PAK6: variants seen among roughly 807,000 people sequenced by gnomAD.
PAK6 encodes serine/threonine-protein kinase PAK 6.
In PAK6, 33 loss-of-function variants were observed where a neutral mutation model predicts 60.8. That is an observed-to-expected ratio of 0.54 (90% confidence interval 0.41 to 0.73). The LOEUF (loss-of-function observed/expected upper bound fraction) is 0.73, where lower values mean the gene tolerates loss of function less well. PAK6 is among the 30% of genes least tolerant of loss of function. The pLI, the probability that PAK6 is intolerant of heterozygous loss-of-function variation, is 0.00. For missense variants in PAK6, 845 were observed against 904.1 expected (o/e 0.93, Z 0.84); for synonymous variants, 404 against 378.5 (o/e 1.07, Z -0.78).
chr15:40,273,535 C>T lies in PAK6; in HGVS notation c.1618-16C>T, dbSNP rs745451311. On this transcript the variant is annotated splice_polypyrimidine_tract_variant and intron_variant, in intron 8 of 10. Transcript: ENST00000560346. The stretch of plus-strand genomic sequence containing the variant: ...ACTTCCTCCTGATCCACCACTCACT[C>T]CCTTTTCAACCGCAGGTGAAGCTCT... 3 of 1,613,948 alleles carry T rather than the reference C, an allele frequency of 1.9e-6. No homozygotes were observed. The highest frequency in any genetic ancestry group is 3.3e-5 in the Admixed American group (2 of 60,018).
chr15:40,247,658 A>G lies in PAK6; in HGVS notation c.-117-5520A>G, dbSNP rs537490746. On this transcript the variant is annotated intron_variant, in intron 2 of 10. Coordinates refer to ENST00000560346, the Ensembl canonical transcript of PAK6. ...GAGAGAGAGGCTCGAGGTTCTGCTG[A>G]GGCCCAGGGTATCAGCAGGGCACAT... 5.3e-5 allele frequency among the ~76,000 whole-genome samples: 8 copies of G among 152,284 alleles called. No homozygotes were observed. The East Asian group carries it at 1.3e-3, about 26-fold the overall frequency.
intron 5 of PAK6, among the ~76,000 whole-genome samples, chr15:40,267,539 G>A (rs2039178073): frequency 6.6e-6 from 1 of 152,152 alleles, no homozygotes; most frequent in Non-Finnish European, 1.5e-5. Context: ...GGCGCCTGTA[G>A]TCCAAGCTAC....
chr15:40,274,618 C>G (rs1006794251), intron 10 of PAK6, among the ~76,000 whole-genome samples: 1 of 152,194 alleles, frequency 6.6e-6, no homozygotes, highest in Non-Finnish European at 1.5e-5. Context: ...GGGAGGGATC[C>G]GGAGAAGCTT....
intron 2 of PAK6, chr15:40,252,764 G>A: frequency 7.7e-7 from 1 of 1,301,632 alleles, no homozygotes; most frequent in East Asian, 5.5e-5. Context: ...CCCCTTCCTG[G>A]GTGCCCATGC....
chr15:40,265,802 T>C (rs770806284), intron 4 of PAK6, 40 bp from the exon 5 acceptor site: 42 of 1,491,748 alleles, frequency 2.8e-5, no homozygotes, highest in Non-Finnish European at 3.6e-5. Context: ...CCTGCCACAA[T>C]TGGGCAGCTC....
In PAK6 at chr15:40,266,122, AGC is replaced by A; in HGVS notation, c.486_487del (p.Glu162AspfsTer52). 6.2e-7 allele frequency: 1 copy of A among 1,609,910 alleles called. No homozygotes were observed. The highest frequency in any genetic ancestry group is 1.1e-5 in the South Asian group (1 of 90,972). On this transcript the variant is annotated frameshift_variant, in exon 5 of 11. Transcript: ENST00000560346. LOFTEE classifies it high-confidence loss of function. The stretch of plus-strand genomic sequence containing the variant: ...GGCCACAAGCAGATGCCGTGGCCCG[AGC>A]CACAGAGCCCACGGGTCCTGCCCAA...
At chr15:40,240,562 CTTTTTTTT>C (rs10624794) in intron 1 of PAK6, 29 bp from the exon 2 acceptor site, 29 of 321,588 alleles carry the variant, frequency 9.0e-5, no homozygotes, top group African/African-American at 5.3e-4. Flanking sequence ...TTTTCTTTTC[CTTTTTTTT>C]TTTTTTTTTT....
chr15:40,258,633 C>T (rs1161511869), intron 3 of PAK6: 2 of 152,334 alleles, frequency 1.3e-5, no homozygotes, highest in African/African-American at 4.8e-5. Context: ...GCTCCTTGAA[C>T]TGTCCACCAG....
chr15:40,252,252 C>T (rs372004712), intron 2 of PAK6: 1 of 1,195,740 alleles, frequency 8.4e-7, no homozygotes, highest in Non-Finnish European at 1.1e-6. Flanking sequence ...ATCTGCGATG[C>T]CAGTGAACGA....
Position 40,265,003 on chromosome 15 carries a change from G to A in PAK6, c.204+14G>A. 1 of 1,609,522 alleles carries A rather than the reference G, an allele frequency of 6.2e-7. No individual in the cohort carries two copies. The highest frequency in any genetic ancestry group is 1.7e-5 in the Admixed American group (1 of 59,768). The stretch of plus-strand genomic sequence containing the variant: ...CAGCCCATGAAGGTAAGAGGGGCCG[G>A]CAGGGATGAGGTTCAGCCTCTCCCA... On this transcript the variant is annotated intron_variant, in intron 4 of 10. Transcript: ENST00000560346.
rs2039109358 is a variant in PAK6, at chr15:40,265,780, C to T, written c.205-62C>T. On this transcript the variant is annotated intron_variant, in intron 4 of 10. Transcript: ENST00000560346. ...GGGACATTCTCTGACCCTGATCTCCCAGCCACCCCTCCCTGCCACAATTGG... is the reference window on the plus strand; with the variant it reads ...GGGACATTCTCTGACCCTGATCTCCTAGCCACCCCTCCCTGCCACAATTGG... 8 of 1,458,812 alleles carry T rather than the reference C, an allele frequency of 5.5e-6. No homozygotes were observed. The South Asian group carries it at 5.7e-5, about 10-fold the overall frequency. 90.4% of individuals were successfully genotyped at this position (1,458,812 alleles called of 1,614,324 possible).
chr15:40,264,994 G>A lies in PAK6; in HGVS notation c.204+5G>A. On this transcript the variant is annotated splice_donor_5th_base_variant and intron_variant, in intron 4 of 10. Coordinates refer to ENST00000560346, the Ensembl canonical transcript of PAK6. The stretch of plus-strand genomic sequence containing the variant: ...GTGCAGCTCCAGCCCATGAAGGTAA[G>A]AGGGGCCGGCAGGGATGAGGTTCAG... The A allele has an allele frequency of 6.2e-7, 1 of 1,612,130 alleles. No individual in the cohort carries two copies. The highest frequency in any genetic ancestry group is 1.3e-5 in the African/African-American group (1 of 75,032).
intron 2 of PAK6, among the ~76,000 whole-genome samples, chr15:40,241,761 G>A (rs2038353561): frequency 6.6e-6 from 1 of 152,192 alleles, no homozygotes; most frequent in Admixed American, 6.5e-5. Context: ...CACAGGGAGG[G>A]TGCAGTGGGT....
At position 40,275,779 on chromosome 15, in the gene PAK6, G is replaced by C. The variant is rs2039438832; in HGVS notation, c.1879-148G>C. On this transcript the variant is annotated intron_variant, in intron 10 of 10. Coordinates refer to ENST00000560346, the Ensembl canonical transcript of PAK6. ...CAGAGCTATAGCATCTGAATGCTGA[G>C]AGCCTTGAGGGGGTGGGGAGGGACA... is the stretch of plus-strand genomic sequence containing the variant. 3 of 697,306 alleles carry C rather than the reference G, an allele frequency of 4.3e-6. No individual in the cohort carries two copies. The East Asian group carries it at 7.7e-5, about 18-fold the overall frequency. 43.2% of individuals were successfully genotyped at this position (697,306 alleles called of 1,614,324 possible). A position where few individuals can be genotyped will look rare whatever the true frequency, so the allele number is the denominator to read the frequency against.
At chr15:40,272,976 C>T (rs781017562) in exon 7 of PAK6, 14 of 1,613,744 alleles carry the variant, frequency 8.7e-6, no homozygotes, top group Non-Finnish European at 1.1e-5. Context: ...GAGGAGCCCT[C>T]ACAGACATCG....
At chr15:40,265,315 T>C (rs553331608) in intron 4 of PAK6, among the ~76,000 whole-genome samples, 1 of 152,224 alleles carries the variant, frequency 6.6e-6, no homozygotes, top group African/African-American at 2.4e-5. Flanking sequence ...TGCAGCCCCA[T>C]AGGGACTGAG....
chr15:40,264,432 T>C (rs1342800149), intron 3 of PAK6: 1 of 477,260 alleles, frequency 2.1e-6, no homozygotes, highest in East Asian at 6.2e-5. Context: ...ATTTTTAAAA[T>C]TCGTTGACAG....
chr15:40,240,717 CT>C (rs1294413951), intron 2 of PAK6, 36 bp downstream of exon 2: 12 of 435,878 alleles, frequency 2.8e-5, no homozygotes, highest in African/African-American at 2.3e-4. Context: ...CTCCGGATTC[CT>C]GGGCTAGGGA....
intron 5 of PAK6, among the ~76,000 whole-genome samples, chr15:40,269,904 C>A (rs7161997): frequency 0.25 from 37,602 of 152,166 alleles, 5,042 homozygotes; most frequent in African/African-American, 0.33. Context: ...CACACATCCT[C>A]AGAGTAGAGC....
Sources: gnomAD v4.1 joint callset for allele counts (sites outside exome capture counted in the v4.1 genomes callset) on GRCh38, gnomAD v4.1.1 for gene constraint, MANE v1.5 for transcripts, NCBI Gene and HGNC (gene_info 2026-07-23, HGNC 2026-07-21) for gene names.